Variants in RNF115 observed in about 807,000 individuals in gnomAD.
RNF115 encodes E3 ubiquitin-protein ligase RNF115.
In RNF115, 31 loss-of-function variants were observed where a neutral mutation model predicts 39.2. The observed-to-expected ratio is 0.79, with a 90% CI of 0.59 to 1.07. RNF115 has a LOEUF of 1.07. Among genes scored for constraint, RNF115 ranks in the 50% least tolerant of loss-of-function variants. RNF115 has a pLI of 0.00. For missense variants in RNF115, 384 were observed against 381.7 expected, an observed-to-expected ratio of 1.01 and a Z score of -0.05; for synonymous variants, 124 against 131.0, an observed-to-expected ratio of 0.95 and a Z score of 0.37.
At chr1:145,749,976 C>T (rs957612199) in intron 7 of RNF115, among the ~76,000 whole-genome samples, 4 of 152,224 alleles carry the variant, frequency 2.6e-5, no homozygotes, top group Non-Finnish European at 5.9e-5. Flanking sequence ...CTGTACCTGA[C>T]ACAAAGTAGA....
chr1:145,762,229 G>C (rs1204672048), intron 4 of RNF115, among the ~76,000 whole-genome samples: 4 of 152,152 alleles, frequency 2.6e-5, no homozygotes, highest in African/African-American at 9.7e-5. Context: ...TTAAGACTTT[G>C]GGGGACTGCT....
At chr1:145,808,052 C>T (rs1439980548) in intron 1 of RNF115, among the ~76,000 whole-genome samples, 1 of 56,974 alleles carries the variant, frequency 1.8e-5, no homozygotes, top group Non-Finnish European at 3.2e-5. Context: ...ACACTATTCT[C>T]TTGCATATAT....
intron 6 of RNF115, 46 bp from the exon 7 acceptor site, chr1:145,750,546 T>C (rs782629793): frequency 6.8e-7 from 1 of 1,467,910 alleles, no homozygotes; most frequent in Non-Finnish European, 9.5e-7. Flanking sequence ...GACATCGCAA[T>C]ATCCCTGGAG....
chr1:145,758,690 T>A (rs997868715), intron 4 of RNF115, among the ~76,000 whole-genome samples: 5 of 152,170 alleles, frequency 3.3e-5, no homozygotes, highest in Admixed American at 2.0e-4. Context: ...GTCAATCCTA[T>A]ATGAATGCTT....
chr1:145,786,769 T>C (rs1459984097), intron 2 of RNF115, among the ~76,000 whole-genome samples: 6 of 152,222 alleles, frequency 3.9e-5, no homozygotes, highest in African/African-American at 1.4e-4. Flanking sequence ...AAATAAGTTA[T>C]TTGATGCAAT....
At chr1:145,780,668 AATT>A (rs1193907470) in intron 3 of RNF115, among the ~76,000 whole-genome samples, 2 of 151,908 alleles carry the variant, frequency 1.3e-5, no homozygotes, top group Admixed American at 6.6e-5. Context: ...CATATTTTTA[AATT>A]TTTTACTGCC....
In RNF115 at chr1:145,817,098, T is replaced by C. The variant is rs1331935575; in HGVS notation, c.102+6674A>G. On this transcript the variant is annotated intron_variant, in intron 1 of 8. Coordinates refer to ENST00000582693, the MANE Select transcript of RNF115 (RefSeq NM_014455.4). ...GGGCGTGTGGAGGAATGAGTTGGGT[T>C]TTTGAAGTTGATTAGATTAAATCAT... Among the ~76,000 whole-genome samples the C allele has an allele frequency of 8.2e-3, 310 of 37,834 alleles. 3 individuals carry two copies. Among genetic ancestry groups the C allele is most frequent in the African/African-American group, 0.022 (298 of 13,632 alleles). The allele number at this position is 37,834 out of a possible 152,430, so 24.8% of individuals were successfully genotyped here.
rs1657782289 is a variant in RNF115 at position 145,744,031 on chromosome 1, T to C, written c.*2835A>G. 1 of 152,674 alleles carries C rather than the reference T, an allele frequency of 6.5e-6. No homozygotes were observed. The highest frequency in any genetic ancestry group is 2.1e-4 in the South Asian group (1 of 4,854). 9.5% of individuals were successfully genotyped at this position (152,674 alleles called of 1,614,324 possible). ...TAACTTTGTCTGATGCTGTTTGCTA[T>C]ACTGTGTATAAAAAGGCAGACCCCT... is the stretch of plus-strand genomic sequence containing the variant. On this transcript the variant is annotated 3_prime_UTR_variant, in exon 9 of 9. Coordinates refer to ENST00000582693, the MANE Select transcript of RNF115 (RefSeq NM_014455.4).
intron 3 of RNF115, among the ~76,000 whole-genome samples, chr1:145,780,093 C>T (rs893016978): frequency 7.3e-5 from 11 of 151,436 alleles, no homozygotes; most frequent in African/African-American, 2.2e-4. Flanking sequence ...CCAGGTTTGG[C>T]GGCGGGGGCC....
Position 145,753,058 on chromosome 1 carries a change from G to A in RNF115, c.429-9C>T, listed in dbSNP as rs1418383573. 3 of 1,592,278 alleles carry A rather than the reference G, an allele frequency of 1.9e-6. No homozygotes were observed. The highest frequency in any genetic ancestry group is 2.6e-6 in the Non-Finnish European group (3 of 1,161,832). On this transcript the variant is annotated splice_polypyrimidine_tract_variant and intron_variant, in intron 4 of 8. Coordinates refer to ENST00000582693, the MANE Select transcript of RNF115 (RefSeq NM_014455.4). ...AGATGTGTTGTAGTATTCTGTTACA[G>A]AAGAAAAAATTAGATAAGACAACAG... is the stretch of plus-strand genomic sequence containing the variant.
chr1:145,816,725 C>CTTTCTT (rs1395837230), intron 1 of RNF115, among the ~76,000 whole-genome samples: 6 of 148,578 alleles, frequency 4.0e-5, no homozygotes, highest in South Asian at 2.3e-4. Context: ...TGGGTTCTTT[C>CTTTCTT]TTTCTTTTTC....
intron 7 of RNF115, 74 bp downstream of exon 7, chr1:145,750,333 T>A: frequency 8.3e-7 from 1 of 1,200,788 alleles, no homozygotes; most frequent in Non-Finnish European, 1.2e-6. Context: ...TTTTAAACTT[T>A]TCACCTGTCA....
chr1:145,788,570 C>G (rs1360962028), intron 2 of RNF115, among the ~76,000 whole-genome samples: 8 of 152,196 alleles, frequency 5.3e-5, no homozygotes, highest in Admixed American at 5.2e-4. Context: ...AACTAATAAT[C>G]TAAGAGAAGC....
chr1:145,747,669 TA>T (rs1164077283), intron 8 of RNF115, among the ~76,000 whole-genome samples: 1 of 151,910 alleles, frequency 6.6e-6, no homozygotes, highest in East Asian at 1.9e-4. Context: ...GGACAGAAAA[TA>T]AGTATTTTAG....
chr1:145,820,519 CA>C (rs1650187859), intron 1 of RNF115, among the ~76,000 whole-genome samples: 1 of 150,138 alleles, frequency 6.7e-6, no homozygotes, highest in Non-Finnish European at 1.5e-5. Context: ...GTGGGCATAT[CA>C]CAAGGTCGAG....
chr1:145,803,268 C>T (rs1432987798), intron 1 of RNF115, among the ~76,000 whole-genome samples: 1 of 152,168 alleles, frequency 6.6e-6, no homozygotes, highest in Non-Finnish European at 1.5e-5. Context: ...CAGTGTTACA[C>T]AAGGATACCT....
intron 1 of RNF115, among the ~76,000 whole-genome samples, chr1:145,800,174 G>C (rs1553720689): frequency 6.6e-6 from 1 of 152,154 alleles, no homozygotes; most frequent in East Asian, 1.9e-4. Context: ...CAAACTTGCG[G>C]CCATTTAAAA....
At chr1:145,794,499 T>C (rs1285865532) in intron 1 of RNF115, among the ~76,000 whole-genome samples, 2 of 134,770 alleles carry the variant, frequency 1.5e-5, no homozygotes, top group East Asian at 2.0e-4. Flanking sequence ...ATCTAATCTC[T>C]TTCTTTTTTT....
At chr1:145,815,259 G>A (rs1405106488) in intron 1 of RNF115, among the ~76,000 whole-genome samples, 1 of 152,310 alleles carries the variant, frequency 6.6e-6, no homozygotes, top group African/African-American at 2.4e-5. Context: ...GATCAAAGAA[G>A]ATGATAAAAT....
Sources: allele counts gnomAD v4.1 joint callset (sites outside exome capture counted in the v4.1 genomes callset), GRCh38; gene constraint gnomAD v4.1.1; transcripts MANE v1.5; gene names NCBI Gene and HGNC (gene_info 2026-07-23, HGNC 2026-07-21).